The following WASF1 variants were observed in gnomAD, a reference collection of about 807,000 sequenced individuals.
WASF1 encodes WASP family member 1.
In WASF1, 7 loss-of-function variants were observed where a neutral mutation model predicts 50.5. The observed-to-expected ratio is 0.14, with a 90% CI of 0.08 to 0.26. The LOEUF is 0.26. Among genes scored for constraint, WASF1 ranks in the 10% least tolerant of loss-of-function variants. The probability of loss-of-function intolerance (pLI) is 1.00; values close to 1 mark genes in which losing one functional copy is unlikely to be tolerated. For synonymous variants in WASF1, 205 were observed against 244.0 expected (o/e 0.84, Z 1.49); for missense variants, 470 against 694.7 (o/e 0.68, Z 3.64).
At chr6:110,114,336 G>T (rs1364192629) in intron 4 of WASF1, among the ~76,000 whole-genome samples, 1 of 152,146 alleles carries the variant, frequency 6.6e-6, no homozygotes, top group East Asian at 1.9e-4. Flanking sequence ...TGAATTGCTT[G>T]ATATGAACCC....
At position 110,105,484 on chromosome 6, in the gene WASF1, C is replaced by T. The variant is rs1773280484; in HGVS notation, c.636G>A (p.Glu212=). The T allele has an allele frequency of 6.2e-7, 1 of 1,614,046 alleles. No homozygotes were observed. Among genetic ancestry groups the T allele is most frequent in the Non-Finnish European group, 8.5e-7 (1 of 1,179,976 alleles). The change falls in exon 8 of 11, where the codon GAG becomes GAA. Residue 212 remains glutamate, a synonymous_variant. Transcript: ENST00000392589. ...AGAGATTAGCATCATCTTCAGCCAG[C>T]TCTGGACCTTGGGCCAGCTTCTGCC... ...REWQKLAQGP[E]LAEDDANLLH...
chr6:110,107,000 G>C, intron 7 of WASF1, 77 bp downstream of exon 7: 1 of 1,029,880 alleles, frequency 9.7e-7, no homozygotes, highest in Non-Finnish European at 1.5e-6. Context: ...CAAAATACAA[G>C]ATTAATGAAG....
chr6:110,121,386 C>G (rs1774116708), intron 4 of WASF1, among the ~76,000 whole-genome samples: 1 of 152,104 alleles, frequency 6.6e-6, no homozygotes, highest in African/African-American at 2.4e-5. Flanking sequence ...TATGAACAGG[C>G]ACTTCCCAAA....
At chr6:110,138,118 C>G (rs1029556886) in intron 3 of WASF1, among the ~76,000 whole-genome samples, 1 of 152,232 alleles carries the variant, frequency 6.6e-6, no homozygotes, top group Non-Finnish European at 1.5e-5. Context: ...AGCACAGGGT[C>G]TGGCCACTGT....
At chr6:110,132,963 TACACACACAC>T (rs142466639) in intron 3 of WASF1, among the ~76,000 whole-genome samples, 8 of 130,070 alleles carry the variant, frequency 6.2e-5, no homozygotes, top group Non-Finnish European at 9.7e-5. Flanking sequence ...CCATGGTGTA[TACACACACAC>T]ACACACACAC....
intron 6 of WASF1, 38 bp from the exon 7 acceptor site, chr6:110,107,232 A>C: frequency 3.1e-6 from 4 of 1,286,496 alleles, no homozygotes; most frequent in Non-Finnish European, 4.3e-6. Context: ...CACATTAGTA[A>C]GACTTAGGCA....
intron 5 of WASF1, among the ~76,000 whole-genome samples, chr6:110,111,591 G>T (rs1773559124): frequency 6.6e-6 from 1 of 152,146 alleles, no homozygotes; most frequent in South Asian, 2.1e-4. Flanking sequence ...AGCCATCAGG[G>T]AGATATAAAT....
intron 3 of WASF1, among the ~76,000 whole-genome samples, chr6:110,139,623 T>C (rs1775132226): frequency 6.6e-6 from 1 of 152,088 alleles, no homozygotes; most frequent in African/African-American, 2.4e-5. Context: ...CTTCCTCCAG[T>C]CTTATATTTT....
At chr6:110,132,369 C>T (rs540810620) in intron 3 of WASF1, among the ~76,000 whole-genome samples, 2 of 151,544 alleles carry the variant, frequency 1.3e-5, no homozygotes, top group South Asian at 2.1e-4. Flanking sequence ...ATCTTTAATA[C>T]AATGTGAAAT....
chr6:110,171,403 A>C (rs1030632036), intron 2 of WASF1, among the ~76,000 whole-genome samples: 2 of 152,188 alleles, frequency 1.3e-5, no homozygotes, highest in African/African-American at 2.4e-5. Context: ...TCAATTTATC[A>C]AAATGTGTGG....
Position 110,101,715 on chromosome 6 carries a change from G to A in WASF1, c.1395C>T (p.Pro465=), listed in dbSNP as rs1339752727. 2.5e-6 allele frequency: 4 copies of A among 1,614,008 alleles called. No homozygotes were observed. Among genetic ancestry groups the A allele is most frequent in the Non-Finnish European group, 3.4e-6 (4 of 1,180,014 alleles). The change falls in exon 10 of 11, where the codon CCC becomes CCT. Residue 465 remains proline (P), a synonymous_variant. Transcript: ENST00000392589. Reference sequence around the variant, plus strand: ...GAGATGGAGGCATTAATGGAACATGGGGACCTGGGGCAGTAGATGGAGTTG... The same window carrying A: ...GAGATGGAGGCATTAATGGAACATGAGGACCTGGGGCAGTAGATGGAGTTG... ...LHPTPSTAPG[P]HVPLMPPSPP...
intron 2 of WASF1, among the ~76,000 whole-genome samples, chr6:110,164,359 G>T (rs142375508): frequency 6.6e-6 from 1 of 151,648 alleles, no homozygotes; most frequent in Non-Finnish European, 1.5e-5. Flanking sequence ...ACAAGAAAAT[G>T]AACAACTTGA....
intron 5 of WASF1, among the ~76,000 whole-genome samples, chr6:110,110,106 G>C (rs138767652): frequency 5.7e-4 from 87 of 152,248 alleles, no homozygotes; most frequent in African/African-American, 2.0e-3. Context: ...TGGCACTGGA[G>C]ATACAGTATT....
chr6:110,174,117 T>A (rs1776826129), intron 2 of WASF1, among the ~76,000 whole-genome samples: 1 of 152,130 alleles, frequency 6.6e-6, no homozygotes, highest in Admixed American at 6.5e-5. Flanking sequence ...CAACCTCATA[T>A]CAAGTCACAA....
At chr6:110,122,632 T>C (rs895090308) in intron 4 of WASF1, among the ~76,000 whole-genome samples, 4 of 152,226 alleles carry the variant, frequency 2.6e-5, no homozygotes, top group African/African-American at 4.8e-5. Flanking sequence ...GATGATCCAC[T>C]TCCAATTAAT....
rs113824507 is a variant in WASF1, at chr6:110,104,902, A to G, written c.713+505T>C. On this transcript the variant is annotated intron_variant, in intron 8 of 10. Coordinates refer to ENST00000392589, the MANE Select transcript of WASF1 (RefSeq NM_003931.3). ...TTAGTTAGGGCCCCTGGCCACTAAG[A>G]AAGGAAAAAATCTTTTCTACAAAAG... 5.5e-3 allele frequency among the ~76,000 whole-genome samples: 841 copies of G among 152,360 alleles called. 12 individuals carry two copies. The highest frequency in any genetic ancestry group is 0.02 in the African/African-American group (815 of 41,584).
intron 3 of WASF1, among the ~76,000 whole-genome samples, chr6:110,131,097 A>G (rs1420764864): frequency 6.6e-6 from 1 of 152,158 alleles, no homozygotes; most frequent in East Asian, 1.9e-4. Flanking sequence ...GGTGATGGGA[A>G]TCTCTTCTTT....
At position 110,100,621 on chromosome 6, in the gene WASF1, A is replaced by G. The variant is rs1228842033; in HGVS notation, c.1581T>C (p.Ile527=). ...QREQEAKHER[I]ENDVATILSR... ...ACAGGATGGTGGCAACATCGTTTTC[A>G]ATGCGTTCATGCTTAGCTTCCTGTT... The change falls in exon 11 of 11, where the codon ATT becomes ATC. Residue 527 remains isoleucine, a synonymous_variant. Transcript: ENST00000392589. 1.9e-6 allele frequency: 3 copies of G among 1,613,684 alleles called. No homozygotes were observed. The Admixed American group carries it at 5.0e-5, about 27-fold the overall frequency.
chr6:110,121,865 T>C (rs959162919), intron 4 of WASF1, among the ~76,000 whole-genome samples: 4 of 152,130 alleles, frequency 2.6e-5, no homozygotes, highest in African/African-American at 9.7e-5. Flanking sequence ...TAAAAAAGGA[T>C]GAGTTCATGT....
Sources: allele counts gnomAD v4.1 joint callset (sites outside exome capture counted in the v4.1 genomes callset), GRCh38; gene constraint gnomAD v4.1.1; transcripts MANE v1.5; gene names NCBI Gene and HGNC (gene_info 2026-07-23, HGNC 2026-07-21).